Variants in FLOT1 observed in about 807,000 individuals in gnomAD.
FLOT1 encodes the protein flotillin 1.
Under a neutral mutation model 58.4 loss-of-function variants are expected in FLOT1, and 40 were observed. That is an observed-to-expected ratio of 0.69 (90% CI 0.53 to 0.89). The LOEUF is 0.89. Ranked by LOEUF, FLOT1 falls within the 40% of genes least tolerant of loss-of-function variation. The probability of loss-of-function intolerance (pLI) is 0.00; values close to 1 mark genes in which losing one functional copy is unlikely to be tolerated. For synonymous variants in FLOT1, 178 were observed against 204.2 expected (o/e 0.87, Z 1.09); for missense variants, 423 against 540.8 (o/e 0.78, Z 2.16).
chr6:30,727,884 G>T lies in FLOT1; in HGVS notation c.*232C>A. 1 of 605,132 alleles carries T rather than the reference G, an allele frequency of 1.7e-6. No individual in the cohort carries two copies. Among genetic ancestry groups the T allele is most frequent in the Non-Finnish European group, 3.0e-6 (1 of 337,958 alleles). The allele number at this position is 605,132 out of a possible 1,614,324, so 37.5% of individuals were successfully genotyped here. A position where few individuals can be genotyped will look rare whatever the true frequency, so the allele number is the denominator to read the frequency against. ...AATAAGTTGAGGTGGGGTGGAGTGG[G>T]ATCATCAGAAGGCTGACATGGGACC... On this transcript the variant is annotated 3_prime_UTR_variant, in exon 13 of 13. Transcript: ENST00000376389.
chr6:30,729,403 G>A (rs1049369314), intron 12 of FLOT1, among the ~76,000 whole-genome samples: 1 of 152,140 alleles, frequency 6.6e-6, no homozygotes, highest in East Asian at 1.9e-4. Flanking sequence ...TACACATAAT[G>A]CTTACTATAT....
In FLOT1 at chr6:30,737,208, T is replaced by TTGTCCGTC. The variant is rs1554208449; in HGVS notation, c.723+2949_723+2950insGACGGACA. Among the ~76,000 whole-genome samples, 233 of 138,124 alleles carry TTGTCCGTC rather than the reference T, an allele frequency of 1.7e-3. 2 individuals are homozygous for TTGTCCGTC. The highest frequency in any genetic ancestry group is 5.5e-3 in the African/African-American group (198 of 35,744). The allele number at this position is 138,124 out of a possible 152,430, so 90.6% of individuals were successfully genotyped here. On this transcript the variant is annotated intron_variant, in intron 8 of 12. Transcript: ENST00000376389. This position sits in a 1 kb window ranked among gnomAD's most constrained non-coding sequence, Gnocchi z 4.4. ...GACTGACTGACTGACTGACTGTCTG[T>TTGTCCGTC]CGTCCGTCCGTCCGTCCGTCCGTCC...
chr6:30,730,415 A>G lies in FLOT1; in HGVS notation c.1089+13T>C. 6.4e-7 allele frequency: 1 copy of G among 1,551,778 alleles called. No individual in the cohort carries two copies. Among genetic ancestry groups the G allele is most frequent in the Non-Finnish European group, 8.7e-7 (1 of 1,148,324 alleles). Reference sequence around the variant, plus strand: ...TATTTCCTCCTTTCTTGGTGCCCACATGACCTCCAGACCTGGGGCAGCTTC... The same window carrying G: ...TATTTCCTCCTTTCTTGGTGCCCACGTGACCTCCAGACCTGGGGCAGCTTC... On this transcript the variant is annotated intron_variant, in intron 11 of 12. Transcript: ENST00000376389.
intron 12 of FLOT1, 81 bp downstream of exon 12, chr6:30,729,941 A>G (rs1347906870): frequency 7.8e-7 from 1 of 1,288,746 alleles, no homozygotes; most frequent in African/African-American, 1.5e-5. Context: ...CCAGGCCTGG[A>G]TGCTGGTTAA....
intron 8 of FLOT1, among the ~76,000 whole-genome samples, chr6:30,734,358 G>A (rs537076367): frequency 6.6e-6 from 1 of 150,982 alleles, no homozygotes; most frequent in African/African-American, 2.4e-5. Flanking sequence ...ACCCAGGCTG[G>A]AGTGCAGTGG....
chr6:30,729,309 C>T (rs1562171915), intron 12 of FLOT1, among the ~76,000 whole-genome samples: 1 of 150,792 alleles, frequency 6.6e-6, no homozygotes, highest in Non-Finnish European at 1.5e-5. Flanking sequence ...CAACTCCTAA[C>T]CTCAGGTGAT....
chr6:30,741,683 G>A lies in FLOT1; in HGVS notation c.141C>T (p.Thr47=). 6.2e-7 allele frequency: 1 copy of A among 1,612,762 alleles called. No homozygotes were observed. The highest frequency in any genetic ancestry group is 1.1e-5 in the South Asian group (1 of 91,082). Residue 47 remains threonine (T), a synonymous_variant, in exon 4 of 13, where the codon ACC becomes ACT. Coordinates refer to ENST00000376389, the MANE Select transcript of FLOT1 (RefSeq NM_005803.4). This position sits in a 1 kb window ranked among gnomAD's most constrained non-coding sequence, Gnocchi z 5.9. ...AAACCTTTTCACTCTTGACATTGAG[G>A]GTCAGTGTGTTGAGAGAGATCCTAG... ...QIQRISLNTL[T]LNVKSEKVYT...
Position 30,741,695 on chromosome 6 carries a change from G to T in FLOT1, c.129C>A (p.Leu43=). Reference sequence around the variant, plus strand: ...TCTTGACATTGAGGGTCAGTGTGTTGAGAGAGATCCTAGGGGAAAAAGAAG... The same window carrying T: ...TCTTGACATTGAGGGTCAGTGTGTTTAGAGAGATCCTAGGGGAAAAAGAAG... The part of the protein sequence containing the change: ...PCIQQIQRIS[L]NTLTLNVKSE... The change falls in exon 4 of 13, where the codon CTC becomes CTA. Residue 43 remains leucine (L), a synonymous_variant. Coordinates refer to ENST00000376389, the MANE Select transcript of FLOT1 (RefSeq NM_005803.4). This position sits in a 1 kb window ranked among gnomAD's most constrained non-coding sequence, Gnocchi z 5.9. The T allele has an allele frequency of 6.2e-7, 1 of 1,612,722 alleles. No individual in the cohort carries two copies. Among genetic ancestry groups the T allele is most frequent in the Non-Finnish European group, 8.5e-7 (1 of 1,179,754 alleles).
rs113523576 is a variant in FLOT1 at position 30,737,567 on chromosome 6, G to A, written c.723+2591C>T. Among the ~76,000 whole-genome samples, 37 of 152,222 alleles carry A rather than the reference G, an allele frequency of 2.4e-4. No homozygotes were observed. Among genetic ancestry groups the A allele is most frequent in the African/African-American group, 8.7e-4 (36 of 41,538 alleles). ...ACCACCGCGCCCAGCCACTTTTTAA[G>A]TATGACTACTTAAAAAGCACAGGCT... is the stretch of plus-strand genomic sequence containing the variant. On this transcript the variant is annotated intron_variant, in intron 8 of 12. Transcript: ENST00000376389. This position sits in a 1 kb window ranked among gnomAD's most constrained non-coding sequence, Gnocchi z 4.4.
chr6:30,740,021 T>G, intron 8 of FLOT1, 137 bp downstream of exon 8: 2 of 774,316 alleles, frequency 2.6e-6, no homozygotes, highest in Non-Finnish European at 4.1e-6. Flanking sequence ...TCTCCTCATA[T>G]GGGGGAGTTG....
chr6:30,736,108 C>T (rs1253412016), intron 8 of FLOT1, among the ~76,000 whole-genome samples: 2 of 151,884 alleles, frequency 1.3e-5, no homozygotes, highest in African/African-American at 4.8e-5. Flanking sequence ...AAAAATTAGC[C>T]AGGCGTGGTG....
At chr6:30,740,654 G>C in intron 6 of FLOT1, 25 bp downstream of exon 6, 1 of 1,612,952 alleles carries the variant, frequency 6.2e-7, no homozygotes, top group Non-Finnish European at 8.5e-7. Flanking sequence ...AAGGAAGTGG[G>C]GAAGGATCAA....
chr6:30,734,626 C>T (rs1777437460), intron 8 of FLOT1, among the ~76,000 whole-genome samples: 1 of 152,040 alleles, frequency 6.6e-6, no homozygotes, highest in Non-Finnish European at 1.5e-5. Context: ...TCTTATTAGT[C>T]CCTTTCCCTT....
chr6:30,732,855 C>T (rs1050256325), intron 8 of FLOT1, among the ~76,000 whole-genome samples: 1 of 152,154 alleles, frequency 6.6e-6, no homozygotes, highest in Admixed American at 6.5e-5. Context: ...AAACTGGCCT[C>T]GTTGCCCTCT....
intron 8 of FLOT1, among the ~76,000 whole-genome samples, chr6:30,731,861 T>G (rs1263316147): frequency 6.6e-6 from 1 of 152,206 alleles, no homozygotes; most frequent in Admixed American, 6.5e-5. Flanking sequence ...ACCACCTGGG[T>G]CCCTTTCCCA....
intron 10 of FLOT1, 24 bp downstream of exon 10, chr6:30,730,658 G>A: frequency 6.2e-7 from 1 of 1,613,802 alleles, no homozygotes; most frequent in East Asian, 2.2e-5. Context: ...CCACAAGCCA[G>A]CATGGAACTG....
chr6:30,729,508 G>A (rs1776996916), intron 12 of FLOT1, among the ~76,000 whole-genome samples: 1 of 152,150 alleles, frequency 6.6e-6, no homozygotes, highest in Non-Finnish European at 1.5e-5. Flanking sequence ...TTAAGATGAG[G>A]AAACAGGTAT....
intron 12 of FLOT1, 149 bp downstream of exon 12, chr6:30,729,873 G>A (rs1777024370): frequency 1.5e-6 from 1 of 672,280 alleles, no homozygotes; most frequent in Non-Finnish European, 2.5e-6. Flanking sequence ...ACTCATTTAT[G>A]TAGAAGCTTA....
intron 8 of FLOT1, among the ~76,000 whole-genome samples, chr6:30,739,675 T>TC (rs1777825515): frequency 1.3e-5 from 2 of 150,956 alleles, no homozygotes; most frequent in Non-Finnish European, 2.9e-5. Context: ...GCCTTTTTTT[T>TC]CTCTTTTTTG....
Sources: gnomAD v4.1 joint callset for allele counts (sites outside exome capture counted in the v4.1 genomes callset) on GRCh38, gnomAD v4.1.1 for gene constraint, Gnocchi (gnomAD v3.1) non-coding constraint, MANE v1.5 for transcripts, NCBI Gene and HGNC (gene_info 2026-07-23, HGNC 2026-07-21) for gene names.